Variants in CSNK1G1 observed in about 807,000 individuals in gnomAD.
CSNK1G1 encodes casein kinase 1 gamma 1, also known as casein kinase I isoform gamma-1.
Under a neutral mutation model 59.6 loss-of-function variants are expected in CSNK1G1, and 22 were observed. The observed-to-expected ratio is 0.37, with a 90% CI of 0.26 to 0.53. The LOEUF is 0.53. CSNK1G1 is among the 20% of genes least tolerant of loss of function. The pLI is 0.89. For synonymous variants in CSNK1G1, 179 were observed against 177.1 expected, an observed-to-expected ratio of 1.01 and a Z score of -0.08; for missense variants, 384 against 519.5, an observed-to-expected ratio of 0.74 and a Z score of 2.54.
intron 2 of CSNK1G1, among the ~76,000 whole-genome samples, chr15:64,268,636 C>T (rs1200331610): frequency 6.6e-6 from 1 of 152,060 alleles, no homozygotes. Flanking sequence ...AGGGAACACA[C>T]AGTATTTCAT....
In CSNK1G1 at chr15:64,209,022, G is replaced by A. The variant is rs530667014; in HGVS notation, c.680-1428C>T. On this transcript the variant is annotated intron_variant, in intron 6 of 11. Transcript: ENST00000303052. ...CCACCTCAGCTTCCTCACTAGCTGG[G>A]ACTACAGGCATGCACCACCATCCCT... Among the ~76,000 whole-genome samples the A allele has an allele frequency of 4.6e-5, 7 of 152,068 alleles. No individual in the cohort carries two copies. The South Asian group carries it at 1.5e-3, about 32-fold the overall frequency.
chr15:64,256,857 T>C lies in CSNK1G1; in HGVS notation c.222+2344A>G, dbSNP rs536536666. Reference sequence around the variant, plus strand: ...TTGCATTTCTGTGCCAGATGCTGATTACATTTCCATAGAGGGCTGTGCATT... The same window carrying C: ...TTGCATTTCTGTGCCAGATGCTGATCACATTTCCATAGAGGGCTGTGCATT... On this transcript the variant is annotated intron_variant, in intron 3 of 11. Coordinates refer to ENST00000303052, the MANE Select transcript of CSNK1G1 (RefSeq NM_022048.5). 4.6e-5 allele frequency among the ~76,000 whole-genome samples: 7 copies of C among 152,262 alleles called. No individual in the cohort carries two copies. The South Asian group carries it at 1.4e-3, about 32-fold the overall frequency.
intron 1 of CSNK1G1, among the ~76,000 whole-genome samples, chr15:64,337,874 T>G (rs935337548): frequency 6.6e-6 from 1 of 152,204 alleles, no homozygotes; most frequent in East Asian, 1.9e-4. Context: ...CTATCCTAGG[T>G]AGCTCATAAG....
In CSNK1G1 at chr15:64,188,503, A is replaced by G; in HGVS notation, c.1108-8049T>C. The G allele has an allele frequency of 6.6e-7, 1 of 1,514,326 alleles. No individual in the cohort carries two copies. The highest frequency in any genetic ancestry group is 1.7e-4 in the Middle Eastern group (1 of 5,942). The allele number at this position is 1,514,326 out of a possible 1,614,324, so 93.8% of individuals were successfully genotyped here. ...GATACATTCTGCTTAGGCGTTAGAA[A>G]GCATGAGAGCAAGATATGGAAGGAA... On this transcript the variant is annotated intron_variant, in intron 10 of 11. Transcript: ENST00000303052. This position sits in a 1 kb window ranked among gnomAD's most constrained non-coding sequence, Gnocchi z 4.2.
chr15:64,202,610 G>C (rs970898546), intron 10 of CSNK1G1, among the ~76,000 whole-genome samples: 1 of 151,202 alleles, frequency 6.6e-6, no homozygotes, highest in Non-Finnish European at 1.5e-5. Context: ...GTGCAAATGC[G>C]GAAGCAATCT....
intron 4 of CSNK1G1, among the ~76,000 whole-genome samples, chr15:64,228,855 A>G (rs1355419237): frequency 6.6e-6 from 1 of 151,848 alleles, no homozygotes; most frequent in Non-Finnish European, 1.5e-5. Context: ...TGTCTCTACC[A>G]CAACTACAAA....
chr15:64,176,559 G>A lies in CSNK1G1; in HGVS notation c.1214+3789C>T, dbSNP rs565091627. ...GGCAAAACAGAAAGAGTTGGTAGGA[G>A]CTCCAGGGTGGGCTTTCCTGGGCAA... On this transcript the variant is annotated intron_variant, in intron 11 of 11. Coordinates refer to ENST00000303052, the MANE Select transcript of CSNK1G1 (RefSeq NM_022048.5). The surrounding 1 kb of genome is among the most constrained non-coding windows in gnomAD (Gnocchi z 5.2). Among the ~76,000 whole-genome samples the A allele has an allele frequency of 6.6e-6, 1 of 152,308 alleles. No homozygotes were observed. The highest frequency in any genetic ancestry group is 1.9e-4 in the East Asian group (1 of 5,182).
chr15:64,331,080 T>C (rs1897091849), intron 1 of CSNK1G1, among the ~76,000 whole-genome samples: 1 of 148,186 alleles, frequency 6.7e-6, no homozygotes, highest in African/African-American at 2.5e-5. Flanking sequence ...AGAATCAATA[T>C]AGTGAAAATG....
At chr15:64,184,069 C>A (rs564958352) in intron 10 of CSNK1G1, among the ~76,000 whole-genome samples, 2 of 151,838 alleles carry the variant, frequency 1.3e-5, no homozygotes, top group Non-Finnish European at 1.5e-5. Context: ...TTTGGGAGGC[C>A]GAGGTGGGCG....
chr15:64,203,629 G>A (rs1377591403), intron 9 of CSNK1G1, among the ~76,000 whole-genome samples: 2 of 149,524 alleles, frequency 1.3e-5, no homozygotes, highest in Non-Finnish European at 3.0e-5. Context: ...CCTGGGAGGC[G>A]GAGGTTGCGG....
intron 1 of CSNK1G1, among the ~76,000 whole-genome samples, chr15:64,343,764 T>C (rs185437540): frequency 2.9e-4 from 44 of 151,218 alleles, no homozygotes; most frequent in African/African-American, 1.0e-3. Context: ...TGCGGTAATA[T>C]AGAAGCTGAA....
chr15:64,227,217 A>C (rs1204658760), intron 4 of CSNK1G1, among the ~76,000 whole-genome samples: 1 of 152,206 alleles, frequency 6.6e-6, no homozygotes, highest in Non-Finnish European at 1.5e-5. Context: ...GAATACTAAC[A>C]CAATTGATTT....
chr15:64,268,536 T>A (rs904826822), intron 2 of CSNK1G1, among the ~76,000 whole-genome samples: 1 of 152,232 alleles, frequency 6.6e-6, no homozygotes, highest in Non-Finnish European at 1.5e-5. Flanking sequence ...TCTCCTCATG[T>A]CTGTGTGGGT....
intron 1 of CSNK1G1, among the ~76,000 whole-genome samples, chr15:64,332,018 G>C (rs1403270181): frequency 2.0e-5 from 3 of 151,694 alleles, no homozygotes; most frequent in Non-Finnish European, 4.4e-5. Flanking sequence ...AAAAAGTCAG[G>C]AAACAACAGG....
rs778042565 is a variant in CSNK1G1 at position 64,214,054 on chromosome 15, A to G, written c.515T>C (p.Ile172Thr). 4.3e-6 allele frequency: 7 copies of G among 1,614,078 alleles called. No homozygotes were observed. The East Asian group carries it at 1.6e-4, about 36-fold the overall frequency. ...CTCTTTCTTATTGCCTTGTCGACCA[A>G]TCAGGAAGTTCTCTGGCTTGACATC... Reference protein sequence around the residue: ...YRDVKPENFLIGRQGNKKEHV... With the variant: ...YRDVKPENFLTGRQGNKKEHV... Residue 172 changes from isoleucine (I) to threonine (T), a missense_variant, in exon 6 of 12, where the codon ATT becomes ACT. Coordinates refer to ENST00000303052, the MANE Select transcript of CSNK1G1 (RefSeq NM_022048.5). This position sits in a 1 kb window ranked among gnomAD's most constrained non-coding sequence, Gnocchi z 4.3.
chr15:64,291,398 C>A (rs565920329), intron 2 of CSNK1G1, among the ~76,000 whole-genome samples: 31 of 152,004 alleles, frequency 2.0e-4, no homozygotes, highest in African/African-American at 7.2e-4. Flanking sequence ...ACCAGCCTGG[C>A]CAACATGGTG....
At chr15:64,267,779 A>AC (rs1409254375) in intron 2 of CSNK1G1, among the ~76,000 whole-genome samples, 2 of 152,278 alleles carry the variant, frequency 1.3e-5, no homozygotes, top group African/African-American at 4.8e-5. Context: ...CTACCATATG[A>AC]CCCAACAATT....
chr15:64,230,835 G>A (rs1057378733), intron 4 of CSNK1G1, among the ~76,000 whole-genome samples: 8 of 152,086 alleles, frequency 5.3e-5, no homozygotes, highest in African/African-American at 1.9e-4. Flanking sequence ...TTAGCCAGGC[G>A]TGGTGGTGGG....
At chr15:64,172,216 T>C (rs1177676787) in intron 11 of CSNK1G1, among the ~76,000 whole-genome samples, 2 of 152,152 alleles carry the variant, frequency 1.3e-5, no homozygotes, top group Non-Finnish European at 2.9e-5. Context: ...ATTATCAAGA[T>C]GGTGCAGGCT....
Sources: allele counts gnomAD v4.1 joint callset (sites outside exome capture counted in the v4.1 genomes callset), GRCh38; gene constraint gnomAD v4.1.1; non-coding constraint Gnocchi (gnomAD v3.1); transcripts MANE v1.5; gene names NCBI Gene and HGNC (gene_info 2026-07-23, HGNC 2026-07-21).